Variants in ANKRD30BL observed in about 807,000 individuals in gnomAD.
ANKRD30BL encodes the protein ankyrin repeat domain 30B like.
ANKRD30BL carries 20 observed loss-of-function variants against 18.4 expected under a neutral mutation model. The ratio of observed to expected loss-of-function variants is 1.09; its 90% CI spans 0.77 to 1.58. The LOEUF (loss-of-function observed/expected upper bound fraction) is 1.58. ANKRD30BL is among the 40% of genes most tolerant of loss of function. The pLI is 0.00. For missense variants in ANKRD30BL, 224 were observed against 268.6 expected (o/e 0.83, Z 1.16); for synonymous variants, 72 against 100.9 (o/e 0.71, Z 1.72).
chr2:132,246,979 T>C (rs1385044762), intron 1 of ANKRD30BL, among the ~76,000 whole-genome samples: 1 of 135,642 alleles, frequency 7.4e-6, no homozygotes, highest in Non-Finnish European at 1.6e-5. Context: ...GGGAACATCT[T>C]CACATAAAAA....
chr2:132,180,604 C>T (rs1038446415), intron 1 of ANKRD30BL, among the ~76,000 whole-genome samples: 2 of 151,876 alleles, frequency 1.3e-5, no homozygotes, highest in African/African-American at 4.8e-5. Flanking sequence ...GAGACAGGCA[C>T]CATTATTTTC....
chr2:132,164,172 C>G (rs1688143806), upstream of ANKRD30BL, among the ~76,000 whole-genome samples: 1 of 152,036 alleles, frequency 6.6e-6, no homozygotes, highest in Non-Finnish European at 1.5e-5. Flanking sequence ...TATCCCATTT[C>G]CTGTAGGAGA....
intron 1 of ANKRD30BL, among the ~76,000 whole-genome samples, chr2:132,194,269 A>T (rs1447662195): frequency 6.6e-6 from 1 of 152,192 alleles, no homozygotes; most frequent in East Asian, 1.9e-4. Flanking sequence ...AGCTGGTATG[A>T]AGAACCTGTT....
At chr2:132,240,610 G>A (rs531277292) in intron 1 of ANKRD30BL, among the ~76,000 whole-genome samples, 11 of 151,158 alleles carry the variant, frequency 7.3e-5, no homozygotes, top group South Asian at 4.2e-4. Flanking sequence ...TGTCAAAATC[G>A]GCAAGTGGAT....
intron 1 of ANKRD30BL, among the ~76,000 whole-genome samples, chr2:132,167,591 G>A (rs1240385564): frequency 6.6e-6 from 1 of 152,148 alleles, no homozygotes; most frequent in Non-Finnish European, 1.5e-5. Context: ...TTACTGGCAG[G>A]AGCCACTGTG....
At chr2:132,235,941 C>T (rs982285188) in intron 1 of ANKRD30BL, among the ~76,000 whole-genome samples, 11 of 152,140 alleles carry the variant, frequency 7.2e-5, no homozygotes, top group African/African-American at 2.4e-4. Flanking sequence ...TCAAACTATA[C>T]TGCAAAGCTA....
chr2:132,197,418 GTC>G (rs1338153737), intron 1 of ANKRD30BL, among the ~76,000 whole-genome samples: 1 of 151,938 alleles, frequency 6.6e-6, no homozygotes, highest in Non-Finnish European at 1.5e-5. Context: ...AGTCTTAAAA[GTC>G]TTATCCATTT....
chr2:132,230,086 G>A (rs1226834139), intron 1 of ANKRD30BL, among the ~76,000 whole-genome samples: 5 of 151,998 alleles, frequency 3.3e-5, no homozygotes, highest in African/African-American at 7.2e-5. Context: ...GAATCTGCAC[G>A]TGGACATTTA....
chr2:132,219,832 T>C (rs1010313133), intron 1 of ANKRD30BL, among the ~76,000 whole-genome samples: 33 of 152,266 alleles, frequency 2.2e-4, no homozygotes, highest in African/African-American at 7.5e-4. Context: ...TATCGTCACA[T>C]AAACACTAGA....
In ANKRD30BL at chr2:132,161,928, T is replaced by G. The variant is rs78576926; in HGVS notation, c.-223A>C. On this transcript the variant is annotated 5_prime_UTR_variant, in exon 1 of 6. Coordinates refer to ENST00000409867, the MANE Select transcript of ANKRD30BL (RefSeq NM_001358416.1). ...AACCGTTAGGCACCTGAGCAGAACC[T>G]TTAGGCAGCTGAGCAGAACCGTTAG... 3.7e-6 allele frequency: 2 copies of G among 542,604 alleles called. No homozygotes were observed. Among genetic ancestry groups the G allele is most frequent in the Non-Finnish European group, 6.6e-6 (2 of 300,916 alleles). 33.6% of individuals were successfully genotyped at this position (542,604 alleles called of 1,614,324 possible).
intron 1 of ANKRD30BL, among the ~76,000 whole-genome samples, chr2:132,200,633 G>A (rs1028723666): frequency 2.2e-4 from 33 of 152,178 alleles, no homozygotes; most frequent in African/African-American, 7.7e-4. Flanking sequence ...CACTGCTCAA[G>A]GAAATAAAAG....
intron 1 of ANKRD30BL, among the ~76,000 whole-genome samples, chr2:132,229,102 T>A (rs907200903): frequency 6.6e-6 from 1 of 151,936 alleles, no homozygotes; most frequent in African/African-American, 2.4e-5. Flanking sequence ...TGGTGAAAAA[T>A]GAAATATCTT....
intron 1 of ANKRD30BL, among the ~76,000 whole-genome samples, chr2:132,182,851 C>T (rs4392312): frequency 0.53 from 80,233 of 151,932 alleles, 23,456 homozygotes; most frequent in African/African-American, 0.79. Flanking sequence ...CATTGAATTC[C>T]CTTCCTGAGT....
intron 1 of ANKRD30BL, among the ~76,000 whole-genome samples, chr2:132,201,126 C>G (rs371838739): frequency 6.6e-6 from 1 of 152,054 alleles, no homozygotes; most frequent in East Asian, 1.9e-4. Flanking sequence ...CTTCCTTACA[C>G]CTTATACAAA....
intron 1 of ANKRD30BL, among the ~76,000 whole-genome samples, chr2:132,167,893 T>C (rs1688217132): frequency 6.6e-6 from 1 of 152,260 alleles, no homozygotes; most frequent in South Asian, 2.1e-4. Context: ...GACATTGCTA[T>C]TGTTCATTTC....
intron 1 of ANKRD30BL, among the ~76,000 whole-genome samples, chr2:132,229,449 C>T (rs1305692776): frequency 6.6e-6 from 1 of 152,150 alleles, no homozygotes; most frequent in East Asian, 1.9e-4. Flanking sequence ...AAGGTAATAT[C>T]ATCACATAAA....
At chr2:132,193,878 C>T (rs983112052) in intron 1 of ANKRD30BL, among the ~76,000 whole-genome samples, 1 of 151,450 alleles carries the variant, frequency 6.6e-6, no homozygotes, top group African/African-American at 2.4e-5. Context: ...CAGGCAAGTC[C>T]TGCTCTCTAA....
chr2:132,256,248 G>A (rs188478178), intron 1 of ANKRD30BL, among the ~76,000 whole-genome samples: 1 of 151,454 alleles, frequency 6.6e-6, no homozygotes, highest in Admixed American at 6.6e-5. Flanking sequence ...TCCCAGTTGC[G>A]AGATTGGGCG....
chr2:132,236,407 T>C (rs1181685194), intron 1 of ANKRD30BL, among the ~76,000 whole-genome samples: 1 of 151,852 alleles, frequency 6.6e-6, no homozygotes, highest in Non-Finnish European at 1.5e-5. Context: ...GAATCTACAA[T>C]GAACTCAAAC....
Sources: allele counts gnomAD v4.1 joint callset (sites outside exome capture counted in the v4.1 genomes callset), GRCh38; gene constraint gnomAD v4.1.1; transcripts MANE v1.5; gene names NCBI Gene and HGNC (gene_info 2026-07-23, HGNC 2026-07-21).